The following OXR1 variants were observed in gnomAD, a reference collection of about 807,000 sequenced individuals.
OXR1 encodes the protein oxidation resistance protein 1.
A neutral mutation model predicts 104.6 loss-of-function variants in OXR1; 41 were observed. The ratio of observed to expected loss-of-function variants is 0.39; its 90% CI spans 0.31 to 0.51. OXR1 has a LOEUF of 0.51. Ranked by LOEUF, OXR1 falls within the 20% of genes least tolerant of loss-of-function variation. The pLI is 0.77. For missense variants in OXR1, 955 were observed against 1,031.9 expected (o/e 0.93, Z 1.02); for synonymous variants, 348 against 348.4 (o/e 1.00, Z 0.01).
chr8:106,331,217 C>G (rs915712343), intron 1 of OXR1, among the ~76,000 whole-genome samples: 31 of 152,112 alleles, frequency 2.0e-4, no homozygotes, highest in Non-Finnish European at 3.8e-4. Flanking sequence ...AAACAAACAT[C>G]TCATCCAGTG....
chr8:106,493,396 T>G (rs1811221339), intron 2 of OXR1, among the ~76,000 whole-genome samples: 1 of 152,158 alleles, frequency 6.6e-6, no homozygotes, highest in South Asian at 2.1e-4. Context: ...TTTACACACT[T>G]TGTTACCACC....
chr8:106,694,221 T>A lies in OXR1; in HGVS notation c.675+1344T>A, dbSNP rs555851262. Among the ~76,000 whole-genome samples, 5 of 151,662 alleles carry A rather than the reference T, an allele frequency of 3.3e-5. No homozygotes were observed. In the South Asian group the frequency reaches 1.0e-3, roughly 31 times the overall value. On this transcript the variant is annotated intron_variant, in intron 7 of 16. Coordinates refer to ENST00000517566, the MANE Select transcript of OXR1 (RefSeq NM_001198533.2). Reference sequence around the variant, plus strand: ...CACTGTAAGAGACACATTATATTTGTGTTGGGTGGAATATTCCACAAGTGT... The same window carrying A: ...CACTGTAAGAGACACATTATATTTGAGTTGGGTGGAATATTCCACAAGTGT...
rs6150748 is a variant in OXR1 at position 106,420,730 on chromosome 8, T to TTGTGTGTGTG, written c.23+61114_23+61123dup. Among the ~76,000 whole-genome samples the TTGTGTGTGTG allele has an allele frequency of 3.7e-3, 547 of 147,274 alleles. 2 individuals carry two copies. Among genetic ancestry groups the TTGTGTGTGTG allele is most frequent in the East Asian group, 9.6e-3 (48 of 5,002 alleles). On this transcript the variant is annotated intron_variant, in intron 2 of 16. Transcript: ENST00000517566. ...CATGCTCTGACAATGCATTAAAATA[T>TTGTGTGTGTG]TGTGTGTGTGTGTGTGTGTGTGTGT... is the stretch of plus-strand genomic sequence containing the variant.
At chr8:106,672,058 A>C (rs951063997) in intron 3 of OXR1, among the ~76,000 whole-genome samples, 6 of 150,540 alleles carry the variant, frequency 4.0e-5, no homozygotes, top group Non-Finnish European at 3.0e-5. Flanking sequence ...GATGACCACT[A>C]AAAGAATTGT....
chr8:106,697,151 G>A (rs1312393126), intron 7 of OXR1, among the ~76,000 whole-genome samples: 4 of 152,204 alleles, frequency 2.6e-5, no homozygotes, highest in South Asian at 4.1e-4. Flanking sequence ...GGGCATGGCG[G>A]TGAGGGACTG....
intron 3 of OXR1, among the ~76,000 whole-genome samples, chr8:106,650,698 A>G (rs952797393): frequency 1.3e-5 from 2 of 152,220 alleles, no homozygotes; most frequent in African/African-American, 2.4e-5. Flanking sequence ...TTTCTCAGAA[A>G]GCAACCACCA....
intron 3 of OXR1, among the ~76,000 whole-genome samples, chr8:106,520,942 G>A (rs189718598): frequency 5.2e-4 from 79 of 152,202 alleles, no homozygotes; most frequent in Non-Finnish European, 8.8e-4. Context: ...GTCTCAAAAG[G>A]GGTGGATTGC....
intron 5 of OXR1, among the ~76,000 whole-genome samples, chr8:106,683,692 T>G (rs1205479876): frequency 1.3e-5 from 2 of 152,130 alleles, no homozygotes; most frequent in African/African-American, 4.8e-5. Flanking sequence ...AGCCTACTTT[T>G]GTTGTTGTTG....
chr8:106,279,780 T>C (rs1224682843), intron 1 of OXR1, among the ~76,000 whole-genome samples: 3 of 152,200 alleles, frequency 2.0e-5, no homozygotes, highest in Admixed American at 6.5e-5. Flanking sequence ...TTGTAACTTA[T>C]CAGAGTTCCT....
intron 7 of OXR1, chr8:106,698,160 A>G: frequency 1.6e-6 from 1 of 606,292 alleles, no homozygotes; most frequent in East Asian, 2.8e-5. Flanking sequence ...GGATATTTTC[A>G]CTAGACAGAA....
intron 3 of OXR1, among the ~76,000 whole-genome samples, chr8:106,613,139 T>C (rs912111537): frequency 2.0e-5 from 3 of 151,986 alleles, no homozygotes; most frequent in Admixed American, 6.6e-5. Flanking sequence ...AACAGAACTT[T>C]GGCTATTTCC....
chr8:106,728,959 A>G (rs1022362438), intron 11 of OXR1, among the ~76,000 whole-genome samples: 1 of 152,164 alleles, frequency 6.6e-6, no homozygotes, highest in African/African-American at 2.4e-5. Context: ...AACACAGGAG[A>G]AAAGTTTGTA....
At chr8:106,601,472 T>C (rs1819966730) in intron 3 of OXR1, among the ~76,000 whole-genome samples, 2 of 152,202 alleles carry the variant, frequency 1.3e-5, no homozygotes, top group Admixed American at 1.3e-4. Flanking sequence ...TATCCTCACA[T>C]GGAGAGAGCC....
At chr8:106,425,083 G>GTTTTTTTTTT (rs748444311) in intron 2 of OXR1, among the ~76,000 whole-genome samples, 1 of 83,660 alleles carries the variant, frequency 1.2e-5, no homozygotes, top group Non-Finnish European at 2.2e-5. Flanking sequence ...GTTTGGTTTG[G>GTTTTTTTTTT]TTTTTTTTTT....
At chr8:106,606,196 G>T (rs535739411) in intron 3 of OXR1, among the ~76,000 whole-genome samples, 3 of 152,112 alleles carry the variant, frequency 2.0e-5, no homozygotes, top group African/African-American at 7.2e-5. Context: ...GCTTCTAGAG[G>T]CCCCCTACTT....
At chr8:106,310,172 A>G (rs1813638603) in intron 1 of OXR1, among the ~76,000 whole-genome samples, 3 of 150,208 alleles carry the variant, frequency 2.0e-5, no homozygotes, top group Admixed American at 6.6e-5. Context: ...ATATGATTAC[A>G]TTTCTTTAAC....
intron 3 of OXR1, among the ~76,000 whole-genome samples, chr8:106,584,511 C>A (rs1254058364): frequency 1.3e-5 from 2 of 152,002 alleles, no homozygotes; most frequent in Non-Finnish European, 2.9e-5. Context: ...ATGAGGGAGA[C>A]ATATTCATTC....
At chr8:106,597,725 T>C (rs1819639246) in intron 3 of OXR1, among the ~76,000 whole-genome samples, 1 of 152,160 alleles carries the variant, frequency 6.6e-6, no homozygotes, top group Non-Finnish European at 1.5e-5. Context: ...TTTGCTTAAG[T>C]CACTCCCCCT....
chr8:106,338,909 A>G (rs992306904), intron 1 of OXR1, among the ~76,000 whole-genome samples: 3 of 151,796 alleles, frequency 2.0e-5, no homozygotes, highest in African/African-American at 7.3e-5. Context: ...TCTGGTCCCT[A>G]TCTGATTATT....
Sources: allele counts gnomAD v4.1 joint callset (sites outside exome capture counted in the v4.1 genomes callset), GRCh38; gene constraint gnomAD v4.1.1; transcripts MANE v1.5; gene names NCBI Gene and HGNC (gene_info 2026-07-23, HGNC 2026-07-21).